The following ALDH1A2 variants were observed in gnomAD, a reference collection of about 807,000 sequenced individuals.
ALDH1A2 encodes aldehyde dehydrogenase 1 family member A2.
Under a neutral mutation model 60.3 loss-of-function variants are expected in ALDH1A2, and 27 were observed. The ratio of observed to expected loss-of-function variants is 0.45; its 90% confidence interval spans 0.33 to 0.62. The LOEUF (loss-of-function observed/expected upper bound fraction) is 0.62. ALDH1A2 is among the 20% of genes least tolerant of loss of function. The pLI is 0.02. For synonymous variants in ALDH1A2, 289 were observed against 232.4 expected, an observed-to-expected ratio of 1.24 and a Z score of -2.21; for missense variants, 581 against 643.8, an observed-to-expected ratio of 0.90 and a Z score of 1.06.
chr15:57,978,899 G>A (rs1013344994), intron 7 of ALDH1A2, among the ~76,000 whole-genome samples: 7 of 152,184 alleles, frequency 4.6e-5, no homozygotes, highest in African/African-American at 1.7e-4. Context: ...AGCCAAGCAT[G>A]GTGGCACATG....
chr15:58,052,510 G>C lies in ALDH1A2; in HGVS notation c.117+13024C>G, dbSNP rs181691833. 2.1e-3 allele frequency among the ~76,000 whole-genome samples: 315 copies of C among 152,074 alleles called. 2 individuals are homozygous for C. Among genetic ancestry groups the C allele is most frequent in the South Asian group, 7.3e-3 (35 of 4,808 alleles). On this transcript the variant is annotated intron_variant, in intron 1 of 12. Transcript: ENST00000249750. The stretch of plus-strand genomic sequence containing the variant: ...AGAGGGAGTCTTGCTCTGTCGCCCA[G>C]GCTGCAGTGCAGTGGCGCAATCTCG...
intron 1 of ALDH1A2, among the ~76,000 whole-genome samples, chr15:58,061,194 G>A (rs749243534): frequency 9.9e-5 from 15 of 152,090 alleles, no homozygotes; most frequent in Admixed American, 5.2e-4. Context: ...TCTAATTCAA[G>A]TCCTGTGATG....
chr15:58,022,166 G>A (rs1895945584), intron 1 of ALDH1A2, among the ~76,000 whole-genome samples: 1 of 152,052 alleles, frequency 6.6e-6, no homozygotes, highest in Non-Finnish European at 1.5e-5. Context: ...CACTGTGGGG[G>A]CTGAACAAAA....
At chr15:58,059,739 T>G (rs1227887372) in intron 1 of ALDH1A2, among the ~76,000 whole-genome samples, 2 of 152,162 alleles carry the variant, frequency 1.3e-5, no homozygotes, top group Non-Finnish European at 2.9e-5. Flanking sequence ...ACTTTTTTAG[T>G]AAAGACAAGA....
intron 7 of ALDH1A2, among the ~76,000 whole-genome samples, chr15:57,989,810 AAAAT>A (rs1179038084): frequency 2.0e-5 from 3 of 152,224 alleles, no homozygotes; most frequent in African/African-American, 7.2e-5. Flanking sequence ...ATTATACATG[AAAAT>A]AAATTCCAAC....
intron 7 of ALDH1A2, among the ~76,000 whole-genome samples, chr15:57,992,254 G>A (rs965424841): frequency 9.2e-5 from 14 of 151,904 alleles, no homozygotes; most frequent in Non-Finnish European, 1.9e-4. Flanking sequence ...GCCCTATACA[G>A]AAAAAAAATG....
At chr15:57,969,930 C>T (rs1415450214) in intron 7 of ALDH1A2, among the ~76,000 whole-genome samples, 1 of 152,216 alleles carries the variant, frequency 6.6e-6, no homozygotes, top group Non-Finnish European at 1.5e-5. Flanking sequence ...ACTACAAACT[C>T]TGGCTTCTAA....
chr15:58,035,759 G>A (rs1342212325), intron 1 of ALDH1A2, among the ~76,000 whole-genome samples: 1 of 151,596 alleles, frequency 6.6e-6, no homozygotes, highest in Non-Finnish European at 1.5e-5. Context: ...ACTGTAATCT[G>A]AGAATATCTT....
Position 58,065,695 on chromosome 15 carries a change from G to C in ALDH1A2, c.-45C>G. 1 of 1,377,168 alleles carries C rather than the reference G, an allele frequency of 7.3e-7. No homozygotes were observed. The highest frequency in any genetic ancestry group is 1.4e-5 in the South Asian group (1 of 70,780). The allele number at this position is 1,377,168 out of a possible 1,614,324, so 85.3% of individuals were successfully genotyped here. A position where few individuals can be genotyped will look rare whatever the true frequency, so the allele number is the denominator to read the frequency against. Reference sequence around the variant, plus strand: ...CTAGCCCGCGGCGTGGGGCAGTGCGGGCTGTGCGCGCGGTCCGCGGCCCGG... The same window carrying C: ...CTAGCCCGCGGCGTGGGGCAGTGCGCGCTGTGCGCGCGGTCCGCGGCCCGG... On this transcript the variant is annotated 5_prime_UTR_variant, in exon 1 of 13. Transcript: ENST00000249750.
intron 7 of ALDH1A2, among the ~76,000 whole-genome samples, chr15:57,992,203 A>G (rs1397135240): frequency 6.6e-6 from 1 of 152,212 alleles, no homozygotes; most frequent in African/African-American, 2.4e-5. Context: ...AGTAGTTGCA[A>G]CAGAGACCAC....
chr15:58,001,504 CCT>C (rs1242649116), intron 4 of ALDH1A2, among the ~76,000 whole-genome samples: 2 of 151,874 alleles, frequency 1.3e-5, no homozygotes, highest in Non-Finnish European at 2.9e-5. Flanking sequence ...GGACTAAGCG[CCT>C]CTCTCCCTTT....
rs755231413 is a variant in ALDH1A2 at position 57,953,709 on chromosome 15, T to C, written c.*1488A>G. 1.1e-4 allele frequency: 17 copies of C among 152,304 alleles called. No individual in the cohort carries two copies. Among genetic ancestry groups the C allele is most frequent in the Non-Finnish European group, 2.1e-4 (14 of 68,026 alleles). 9.4% of individuals were successfully genotyped at this position (152,304 alleles called of 1,614,324 possible). A position where few individuals can be genotyped will look rare whatever the true frequency, so the allele number is the denominator to read the frequency against. On this transcript the variant is annotated 3_prime_UTR_variant, in exon 13 of 13. Coordinates refer to ENST00000249750, the MANE Select transcript of ALDH1A2 (RefSeq NM_003888.4). The stretch of plus-strand genomic sequence containing the variant: ...AAACATCATGGATAGATAAGAGTTA[T>C]AAATAGAAAACTGGTACGGTTAAGA...
At chr15:58,043,440 TTC>T (rs1411731703) in intron 1 of ALDH1A2, among the ~76,000 whole-genome samples, 1 of 152,008 alleles carries the variant, frequency 6.6e-6, no homozygotes, top group Non-Finnish European at 1.5e-5. Flanking sequence ...GTATCAGAAG[TTC>T]TGTGATAACA....
chr15:58,057,419 G>A (rs1248358428), intron 1 of ALDH1A2, among the ~76,000 whole-genome samples: 1 of 152,090 alleles, frequency 6.6e-6, no homozygotes, highest in Admixed American at 6.6e-5. Flanking sequence ...CTATAGTGAA[G>A]ATAAATGCCT....
intron 7 of ALDH1A2, among the ~76,000 whole-genome samples, chr15:57,969,219 C>A (rs758947931): frequency 1.3e-5 from 2 of 152,186 alleles, no homozygotes; most frequent in African/African-American, 2.4e-5. Context: ...GCCAGGTACA[C>A]TGTTGGGCAT....
At chr15:58,024,653 AG>A (rs1378321685) in intron 1 of ALDH1A2, among the ~76,000 whole-genome samples, 1 of 152,200 alleles carries the variant, frequency 6.6e-6, no homozygotes, top group Non-Finnish European at 1.5e-5. Flanking sequence ...CAGATCATCT[AG>A]GCAGAAAATC....
At chr15:57,997,730 T>C (rs905673886) in intron 4 of ALDH1A2, among the ~76,000 whole-genome samples, 3 of 151,930 alleles carry the variant, frequency 2.0e-5, no homozygotes, top group African/African-American at 7.2e-5. Context: ...TCGGACCTCA[T>C]GAGGAATTGA....
chr15:58,028,359 T>C (rs1339586101), intron 1 of ALDH1A2, among the ~76,000 whole-genome samples: 2 of 152,202 alleles, frequency 1.3e-5, no homozygotes, highest in African/African-American at 4.8e-5. Context: ...CTGAGAGATT[T>C]TGTCACCACC....
At chr15:58,017,058 C>T (rs1895808848) in intron 1 of ALDH1A2, among the ~76,000 whole-genome samples, 1 of 152,132 alleles carries the variant, frequency 6.6e-6, no homozygotes, top group Admixed American at 6.5e-5. Flanking sequence ...TGAGGTAAAA[C>T]TGACCATAGA....
Sources: allele counts gnomAD v4.1 joint callset (sites outside exome capture counted in the v4.1 genomes callset), GRCh38; gene constraint gnomAD v4.1.1; transcripts MANE v1.5; gene names NCBI Gene and HGNC (gene_info 2026-07-23, HGNC 2026-07-21).